ZSCAN1: variants seen among roughly 807,000 people sequenced by gnomAD.
ZSCAN1 encodes zinc finger and SCAN domain-containing protein 1.
A neutral mutation model predicts 23.8 loss-of-function variants in ZSCAN1; 23 were observed. The observed-to-expected ratio is 0.97, with a 90% CI of 0.70 to 1.37. The LOEUF is 1.37. ZSCAN1 is among the 40% of genes most tolerant of loss of function. ZSCAN1 has a pLI of 0.00. For synonymous variants in ZSCAN1, 236 were observed against 232.3 expected, an observed-to-expected ratio of 1.02 and a Z score of -0.15; for missense variants, 575 against 554.0, an observed-to-expected ratio of 1.04 and a Z score of -0.38.
At chr19:58,035,676 C>G (rs2073729603) in intron 1 of ZSCAN1, among the ~76,000 whole-genome samples, 2 of 152,182 alleles carry the variant, frequency 1.3e-5, no homozygotes, top group Admixed American at 6.5e-5. Flanking sequence ...GCAGGGAAGA[C>G]CAAGCTGGTA....
At chr19:58,041,693 G>A (rs963739824) in intron 4 of ZSCAN1, among the ~76,000 whole-genome samples, 1 of 139,954 alleles carries the variant, frequency 7.1e-6, no homozygotes, top group African/African-American at 2.8e-5. Context: ...AGCAGCCTGG[G>A]CAACATGGCA....
At chr19:58,050,213 T>A (rs1323990653) in intron 4 of ZSCAN1, among the ~76,000 whole-genome samples, 1 of 151,894 alleles carries the variant, frequency 6.6e-6, no homozygotes, top group Non-Finnish European at 1.5e-5. Context: ...GGTGGGTGGA[T>A]CACTAGAGGT....
rs534604065 is a variant in ZSCAN1 at position 58,038,019 on chromosome 19, G to A, written c.183G>A (p.Thr61=). 3.1e-6 allele frequency: 5 copies of A among 1,610,934 alleles called. No homozygotes were observed. The highest frequency in any genetic ancestry group is 1.3e-5 in the African/African-American group (1 of 74,924). ...ACCTCGCGCTGGGCCAGCTCTGGACGCTGTGCCGCCAGTGGCTGAGGCCCG... is the reference window on the plus strand; with the variant it reads ...ACCTCGCGCTGGGCCAGCTCTGGACACTGTGCCGCCAGTGGCTGAGGCCCG... ...GPHLALGQLW[T]LCRQWLRPEA... The change falls in exon 3 of 6, where the codon ACG becomes ACA. Residue 61 remains threonine (T), a synonymous_variant. Coordinates refer to ENST00000282326, the MANE Select transcript of ZSCAN1 (RefSeq NM_182572.4).
chr19:58,042,073 C>T lies in ZSCAN1; in HGVS notation c.465+1529C>T, dbSNP rs576461496. Among the ~76,000 whole-genome samples, 213 of 152,286 alleles carry T rather than the reference C, an allele frequency of 1.4e-3. 1 individual carries two copies. Among genetic ancestry groups the T allele is most frequent in the African/African-American group, 4.8e-3 (200 of 41,560 alleles). On this transcript the variant is annotated intron_variant, in intron 4 of 5. Coordinates refer to ENST00000282326, the MANE Select transcript of ZSCAN1 (RefSeq NM_182572.4). ...ATGCTTGCTTGGACCAGTATAGGCA[C>T]ACCAGGGCAAATATTTAGGCTAAAT...
In ZSCAN1 at chr19:58,040,341, AG is replaced by A; in HGVS notation, c.371-105del. ...CTGCAGCCACTCTTGCCTGCGCCTC[AG>A]GGGTGCTGCAGGGATGTTCGGGGAA... On this transcript the variant is annotated intron_variant, in intron 3 of 5. Transcript: ENST00000282326. The surrounding 1 kb of genome is among the most constrained non-coding windows in gnomAD (Gnocchi z 5.8). The A allele has an allele frequency of 1.7e-6, 2 of 1,144,860 alleles. No homozygotes were observed. The highest frequency in any genetic ancestry group is 2.7e-5 in the South Asian group (2 of 74,034). 70.9% of individuals were successfully genotyped at this position (1,144,860 alleles called of 1,614,324 possible).
chr19:58,056,455 G>C (rs1475524083), downstream of ZSCAN1, among the ~76,000 whole-genome samples: 1 of 152,256 alleles, frequency 6.6e-6, no homozygotes, highest in Non-Finnish European at 1.5e-5. Flanking sequence ...TGAGTGAGGG[G>C]AAGTCCCTGT....
intron 3 of ZSCAN1, among the ~76,000 whole-genome samples, chr19:58,039,918 A>G (rs968695411): frequency 3.8e-4 from 57 of 151,018 alleles, no homozygotes; most frequent in Non-Finnish European, 2.1e-4. Context: ...AAAAATAAAT[A>G]GGGGGGGGTC....
intron 4 of ZSCAN1, among the ~76,000 whole-genome samples, chr19:58,050,554 C>T (rs1301652253): frequency 6.6e-6 from 1 of 152,088 alleles, no homozygotes; most frequent in Non-Finnish European, 1.5e-5. Flanking sequence ...CGGCGTCTCG[C>T]TCTGTCGCCA....
rs2073777932 is a variant in ZSCAN1, at chr19:58,040,322, C to T, written c.371-128C>T. 2 of 923,216 alleles carry T rather than the reference C, an allele frequency of 2.2e-6. No individual in the cohort carries two copies. Among genetic ancestry groups the T allele is most frequent in the Admixed American group, 4.1e-5 (2 of 48,904 alleles). The allele number at this position is 923,216 out of a possible 1,614,324, so 57.2% of individuals were successfully genotyped here. A position where few individuals can be genotyped will look rare whatever the true frequency, so the allele number is the denominator to read the frequency against. The stretch of plus-strand genomic sequence containing the variant: ...GAGGGACAGAATGACAGCCCTGCAG[C>T]CACTCTTGCCTGCGCCTCAGGGGTG... On this transcript the variant is annotated intron_variant, in intron 3 of 5. Coordinates refer to ENST00000282326, the MANE Select transcript of ZSCAN1 (RefSeq NM_182572.4). This position sits in a 1 kb window ranked among gnomAD's most constrained non-coding sequence, Gnocchi z 5.8.
intron 4 of ZSCAN1, among the ~76,000 whole-genome samples, chr19:58,050,254 G>A (rs994068331): frequency 3.3e-5 from 5 of 151,902 alleles, no homozygotes; most frequent in African/African-American, 1.2e-4. Context: ...GGCCAGCATG[G>A]TGAAGCCTCG....
chr19:58,045,915 G>T lies in ZSCAN1; in HGVS notation c.465+5371G>T. The T allele has an allele frequency of 1.0e-6, 1 of 963,774 alleles. No individual in the cohort carries two copies. The highest frequency in any genetic ancestry group is 1.7e-6 in the Non-Finnish European group (1 of 592,602). 59.7% of individuals were successfully genotyped at this position (963,774 alleles called of 1,614,324 possible). On this transcript the variant is annotated intron_variant, in intron 4 of 5. Coordinates refer to ENST00000282326, the MANE Select transcript of ZSCAN1 (RefSeq NM_182572.4). This position sits in a 1 kb window ranked among gnomAD's most constrained non-coding sequence, Gnocchi z 4.3. Reference sequence around the variant, plus strand: ...AGATTGTGGCAAAGGAAGCACAGGTGAAAGTGGCCGAGGTGGAGGGCAAGC... The same window carrying T: ...AGATTGTGGCAAAGGAAGCACAGGTTAAAGTGGCCGAGGTGGAGGGCAAGC...
rs1217764993 is a variant in ZSCAN1, at chr19:58,054,478, A to T, written c.*427A>T. 1 of 164,608 alleles carries T rather than the reference A, an allele frequency of 6.1e-6. No individual in the cohort carries two copies. The highest frequency in any genetic ancestry group is 1.3e-5 in the Non-Finnish European group (1 of 76,884). 10.2% of individuals were successfully genotyped at this position (164,608 alleles called of 1,614,324 possible). A position where few individuals can be genotyped will look rare whatever the true frequency, so the allele number is the denominator to read the frequency against. On this transcript the variant is annotated 3_prime_UTR_variant, in exon 6 of 6. Coordinates refer to ENST00000282326, the MANE Select transcript of ZSCAN1 (RefSeq NM_182572.4). This position sits in a 1 kb window ranked among gnomAD's most constrained non-coding sequence, Gnocchi z 4.2. ...CCGGCCTGGGCAGCTCCAACTCCAG[A>T]GAAGGGTACAGCTGACCCCGGCTGC...
At position 58,045,383 on chromosome 19, in the gene ZSCAN1, C is replaced by G; in HGVS notation, c.465+4839C>G. Reference sequence around the variant, plus strand: ...AGCTAGCCGAGTTCCTCCAGGACACCATCCAGGAGATGGCCTTGAAGAACG... The same window carrying G: ...AGCTAGCCGAGTTCCTCCAGGACACGATCCAGGAGATGGCCTTGAAGAACG... On this transcript the variant is annotated intron_variant, in intron 4 of 5. Coordinates refer to ENST00000282326, the MANE Select transcript of ZSCAN1 (RefSeq NM_182572.4). This position sits in a 1 kb window ranked among gnomAD's most constrained non-coding sequence, Gnocchi z 4.3. 1 of 874,796 alleles carries G rather than the reference C, an allele frequency of 1.1e-6. No homozygotes were observed. Among genetic ancestry groups the G allele is most frequent in the East Asian group, 2.4e-5 (1 of 41,638 alleles). 54.2% of individuals were successfully genotyped at this position (874,796 alleles called of 1,614,324 possible).
At chr19:58,043,751 G>A (rs757374321) in intron 4 of ZSCAN1, among the ~76,000 whole-genome samples, 2 of 152,022 alleles carry the variant, frequency 1.3e-5, no homozygotes, top group Non-Finnish European at 2.9e-5. Context: ...CTGGGCTCAT[G>A]CGATCTTCCT....
intron 4 of ZSCAN1, 129 bp from the exon 5 acceptor site, chr19:58,052,361 G>T: frequency 1.4e-6 from 2 of 1,454,988 alleles, no homozygotes; most frequent in African/African-American, 2.8e-5. Context: ...GGAACAACAG[G>T]CGCGACACCG....
Position 58,054,001 on chromosome 19 carries a change from G to T in ZSCAN1, c.1177G>T (p.Val393Phe), listed in dbSNP as rs779401620. 4 of 1,565,616 alleles carry T rather than the reference G, an allele frequency of 2.6e-6. No homozygotes were observed. Among genetic ancestry groups the T allele is most frequent in the Non-Finnish European group, 3.5e-6 (4 of 1,155,640 alleles). Residue 393 changes from valine (V) to phenylalanine (F), a missense_variant, in exon 6 of 6, where the codon GTC becomes TTC. Val to Phe is a conservative substitution (Grantham distance 50). Coordinates refer to ENST00000282326, the MANE Select transcript of ZSCAN1 (RefSeq NM_182572.4). This position sits in a 1 kb window ranked among gnomAD's most constrained non-coding sequence, Gnocchi z 4.2. ...CTGCGGGAAGGCCTTCCCCTGGATGGTCCACCTCATTGACCACCAGAAGCT... is the reference window on the plus strand; with the variant it reads ...CTGCGGGAAGGCCTTCCCCTGGATGTTCCACCTCATTGACCACCAGAAGCT... Reference protein sequence around the residue: ...SVCGKAFPWMVHLIDHQKLHT... With the variant: ...SVCGKAFPWMFHLIDHQKLHT...
intron 4 of ZSCAN1, chr19:58,044,517 G>A: frequency 2.2e-6 from 1 of 444,556 alleles, no homozygotes. Context: ...AGACGGCGAA[G>A]AGCCGCGGCC....
Position 58,054,341 on chromosome 19 carries a change from C to G in ZSCAN1, c.*290C>G. ...TTGAAGAGGAGTTTCATTCGCGTCC[C>G]ATCTTTCAGAAGCCTTGTCCAGGTC... is the stretch of plus-strand genomic sequence containing the variant. On this transcript the variant is annotated 3_prime_UTR_variant, in exon 6 of 6. Coordinates refer to ENST00000282326, the MANE Select transcript of ZSCAN1 (RefSeq NM_182572.4). This position sits in a 1 kb window ranked among gnomAD's most constrained non-coding sequence, Gnocchi z 4.2. The G allele has an allele frequency of 3.0e-6, 1 of 334,750 alleles. No homozygotes were observed. Among genetic ancestry groups the G allele is most frequent in the East Asian group, 4.6e-5 (1 of 21,572 alleles). 20.7% of individuals were successfully genotyped at this position (334,750 alleles called of 1,614,324 possible). A position where few individuals can be genotyped will look rare whatever the true frequency, so the allele number is the denominator to read the frequency against.
intron 1 of ZSCAN1, among the ~76,000 whole-genome samples, chr19:58,034,958 A>T (rs1395470318): frequency 6.6e-6 from 1 of 151,612 alleles, no homozygotes; most frequent in East Asian, 1.9e-4. Flanking sequence ...CACGTCTTCT[A>T]TGTCACTAAG....
Sources: gnomAD v4.1 joint callset for allele counts (sites outside exome capture counted in the v4.1 genomes callset) on GRCh38, gnomAD v4.1.1 for gene constraint, Gnocchi (gnomAD v3.1) non-coding constraint, MANE v1.5 for transcripts, NCBI Gene and HGNC (gene_info 2026-07-23, HGNC 2026-07-21) for gene names.